Variants in TAFA5 observed in about 807,000 individuals in gnomAD.
The protein encoded by TAFA5 is chemokine-like protein TAFA-5.
A neutral mutation model predicts 15.3 loss-of-function variants in TAFA5; 6 were observed. The observed-to-expected ratio is 0.39, with a 90% CI of 0.21 to 0.77. The LOEUF (loss-of-function observed/expected upper bound fraction) is 0.77, where lower values mean the gene tolerates loss of function less well. Among genes scored for constraint, TAFA5 ranks in the 30% least tolerant of loss-of-function variants. The probability of loss-of-function intolerance (pLI) is 0.41; values close to 1 mark genes in which losing one functional copy is unlikely to be tolerated. For synonymous variants in TAFA5, 103 were observed against 80.7 expected (o/e 1.28, Z -1.48); for missense variants, 161 against 193.1 (o/e 0.83, Z 0.98).
chr22:48,499,820 C>G (rs929089466), intron 1 of TAFA5, among the ~76,000 whole-genome samples: 2 of 152,190 alleles, frequency 1.3e-5, no homozygotes, highest in Non-Finnish European at 2.9e-5. Flanking sequence ...CCCGGGTCCC[C>G]TTGTCGTGCA....
intron 1 of TAFA5, among the ~76,000 whole-genome samples, chr22:48,512,795 C>T (rs1164080290): frequency 4.0e-5 from 6 of 151,530 alleles, no homozygotes; most frequent in South Asian, 4.2e-4. Flanking sequence ...TGGTGGCGAG[C>T]GCCTTTAGTC....
intron 1 of TAFA5, among the ~76,000 whole-genome samples, chr22:48,636,785 G>A (rs945646520): frequency 2.0e-5 from 3 of 152,224 alleles, no homozygotes; most frequent in South Asian, 2.1e-4. Flanking sequence ...GCTAGTGTGG[G>A]TGTGGGCTGG....
rs574461529 is a variant in TAFA5, at chr22:48,717,263, G to T, written c.390+9419G>T. Among the ~76,000 whole-genome samples, 6 of 152,330 alleles carry T rather than the reference G, an allele frequency of 3.9e-5. No homozygotes were observed. The East Asian group carries it at 9.7e-4, about 25-fold the overall frequency. Reference sequence around the variant, plus strand: ...ACAGTGTTGCCAGGTCTTGCAGAGCGCAGGCTGCGACTCCTGACCTGGAAC... The same window carrying T: ...ACAGTGTTGCCAGGTCTTGCAGAGCTCAGGCTGCGACTCCTGACCTGGAAC... On this transcript the variant is annotated intron_variant, in intron 3 of 3. Transcript: ENST00000402357.
Position 48,742,682 on chromosome 22 carries a change from T to C in TAFA5, c.391-7157T>C, listed in dbSNP as rs749024529. Among the ~76,000 whole-genome samples, 24 of 149,426 alleles carry C rather than the reference T, an allele frequency of 1.6e-4. No homozygotes were observed. Among genetic ancestry groups the C allele is most frequent in the Middle Eastern group, 3.5e-3 (1 of 282 alleles). On this transcript the variant is annotated intron_variant, in intron 3 of 3. Coordinates refer to ENST00000402357, the MANE Select transcript of TAFA5 (RefSeq NM_001082967.3). The surrounding 1 kb of genome is among the most constrained non-coding windows in gnomAD (Gnocchi z 6.2). ...CCAGGCAACGTGGTAGACCGGGCAG[T>C]GTGATGGACCAGGCGACGTGGTGGG...
intron 1 of TAFA5, among the ~76,000 whole-genome samples, chr22:48,619,438 C>T (rs1435523608): frequency 6.6e-6 from 1 of 152,226 alleles, no homozygotes; most frequent in Admixed American, 6.5e-5. Context: ...TTACTGCAAC[C>T]TCCGCCTCCC....
At chr22:48,673,983 C>T (rs1005339625) in intron 2 of TAFA5, among the ~76,000 whole-genome samples, 2 of 151,908 alleles carry the variant, frequency 1.3e-5, no homozygotes, top group Non-Finnish European at 2.9e-5. Context: ...CAGCCCTTTG[C>T]CCACCTCACA....
chr22:48,637,152 A>G (rs1191609797), intron 1 of TAFA5, among the ~76,000 whole-genome samples: 1 of 152,142 alleles, frequency 6.6e-6, no homozygotes, highest in Admixed American at 6.5e-5. Context: ...AGACACCTGT[A>G]TGGTGGGCAG....
chr22:48,644,699 AG>A (rs2147200906), intron 1 of TAFA5, among the ~76,000 whole-genome samples: 2 of 152,266 alleles, frequency 1.3e-5, no homozygotes, highest in South Asian at 4.1e-4. Context: ...GTGCCAGAGG[AG>A]GGGCCGTCTA....
At chr22:48,636,625 G>C (rs1283125150) in intron 1 of TAFA5, among the ~76,000 whole-genome samples, 1 of 152,250 alleles carries the variant, frequency 6.6e-6, no homozygotes, top group African/African-American at 2.4e-5. Context: ...CTTCTGTTGT[G>C]GGGAGACGCT....
In TAFA5 at chr22:48,557,841, C is replaced by A. The variant is rs73173410; in HGVS notation, c.112+68137C>A. ...CCCCGAGGTCAGCTCCCCTAGAATC[C>A]ACTGGAAGGCAATGTCCCCTGAAAA... On this transcript the variant is annotated intron_variant, in intron 1 of 3. Coordinates refer to ENST00000402357, the MANE Select transcript of TAFA5 (RefSeq NM_001082967.3). 3.8e-3 allele frequency among the ~76,000 whole-genome samples: 572 copies of A among 152,322 alleles called. 4 individuals are homozygous for A. The highest frequency in any genetic ancestry group is 4.3e-3 in the Non-Finnish European group (295 of 68,026).
chr22:48,615,900 T>G (rs73173454), intron 1 of TAFA5, among the ~76,000 whole-genome samples: 32,357 of 152,144 alleles, frequency 0.21, 3,577 homozygotes, highest in African/African-American at 0.22. Flanking sequence ...AATGGCCTAA[T>G]GGTTTCCAAT....
At chr22:48,724,068 C>G (rs984736938) in intron 3 of TAFA5, among the ~76,000 whole-genome samples, 1 of 152,162 alleles carries the variant, frequency 6.6e-6, no homozygotes, top group Non-Finnish European at 1.5e-5. Context: ...AGGAGAGACT[C>G]GGGGTTCTGG....
At chr22:48,524,674 C>T (rs999353410) in intron 1 of TAFA5, among the ~76,000 whole-genome samples, 4 of 152,174 alleles carry the variant, frequency 2.6e-5, no homozygotes, top group African/African-American at 7.2e-5. Flanking sequence ...CACGCCATCT[C>T]GACAAGGATG....
chr22:48,561,112 G>C (rs1242910926), intron 1 of TAFA5, among the ~76,000 whole-genome samples: 1 of 152,116 alleles, frequency 6.6e-6, no homozygotes, highest in African/African-American at 2.4e-5. Flanking sequence ...TCCCACCCTG[G>C]GAAGGCGTGT....
At chr22:48,565,058 G>A (rs901680300) in intron 1 of TAFA5, among the ~76,000 whole-genome samples, 3 of 152,236 alleles carry the variant, frequency 2.0e-5, no homozygotes, top group Non-Finnish European at 2.9e-5. Context: ...TAAGGTGGGG[G>A]CTGGGGAACC....
chr22:48,689,902 C>T (rs1311694155), intron 2 of TAFA5, among the ~76,000 whole-genome samples: 1 of 152,186 alleles, frequency 6.6e-6, no homozygotes, highest in Non-Finnish European at 1.5e-5. Flanking sequence ...TAGCAAGGTC[C>T]TTGCTGCCCC....
intron 1 of TAFA5, among the ~76,000 whole-genome samples, chr22:48,573,772 G>T (rs1293105732): frequency 6.6e-6 from 1 of 152,080 alleles, no homozygotes; most frequent in Non-Finnish European, 1.5e-5. Context: ...TTTACAGAAG[G>T]ATCTTCCAAT....
chr22:48,549,000 G>A (rs1010542147), intron 1 of TAFA5, among the ~76,000 whole-genome samples: 8 of 152,214 alleles, frequency 5.3e-5, no homozygotes, highest in Non-Finnish European at 1.0e-4. Flanking sequence ...TCTTTATAGC[G>A]ATCAGATTGA....
At chr22:48,553,399 G>A (rs922236156) in intron 1 of TAFA5, among the ~76,000 whole-genome samples, 1 of 152,230 alleles carries the variant, frequency 6.6e-6, no homozygotes, top group Non-Finnish European at 1.5e-5. Flanking sequence ...TTGCCCGGAG[G>A]CGCCCGGGCC....
Sources: gnomAD v4.1 joint callset for allele counts (sites outside exome capture counted in the v4.1 genomes callset) on GRCh38, gnomAD v4.1.1 for gene constraint, Gnocchi (gnomAD v3.1) non-coding constraint, MANE v1.5 for transcripts, NCBI Gene and HGNC (gene_info 2026-07-23, HGNC 2026-07-21) for gene names.